IGF2BP3: variants seen among roughly 807,000 people sequenced by gnomAD.
IGF2BP3 encodes insulin-like growth factor 2 mRNA-binding protein 3.
IGF2BP3 carries 9 observed loss-of-function variants against 73.8 expected under a neutral mutation model. The ratio of observed to expected loss-of-function variants is 0.12; its 90% CI spans 0.07 to 0.21. The LOEUF (loss-of-function observed/expected upper bound fraction) is 0.21, where lower values mean the gene tolerates loss of function less well. IGF2BP3 is among the 10% of genes least tolerant of loss of function. The pLI is 1.00. For missense variants in IGF2BP3, 542 were observed against 714.0 expected, an observed-to-expected ratio of 0.76 and a Z score of 2.75; for synonymous variants, 258 against 256.7, an observed-to-expected ratio of 1.01 and a Z score of -0.05.
At chr7:23,448,625 G>A (rs920801020) in intron 2 of IGF2BP3, among the ~76,000 whole-genome samples, 204 of 146,218 alleles carry the variant, frequency 1.4e-3, no homozygotes, top group Non-Finnish European at 2.2e-3. Context: ...CTGTTTGTTT[G>A]TTTGTTTGTT....
At chr7:23,411,162 C>G (rs531035487) in intron 3 of IGF2BP3, among the ~76,000 whole-genome samples, 1 of 152,240 alleles carries the variant, frequency 6.6e-6, no homozygotes, top group Non-Finnish European at 1.5e-5. Flanking sequence ...TATTTAACAT[C>G]TCTGACTCCC....
At chr7:23,434,201 C>T (rs1242389466) in intron 2 of IGF2BP3, among the ~76,000 whole-genome samples, 1 of 151,420 alleles carries the variant, frequency 6.6e-6, no homozygotes, top group Non-Finnish European at 1.5e-5. Flanking sequence ...GATTACTAAA[C>T]TTTTAAAACC....
chr7:23,467,050 G>A (rs376905436), intron 2 of IGF2BP3, among the ~76,000 whole-genome samples: 5 of 152,106 alleles, frequency 3.3e-5, no homozygotes, highest in East Asian at 3.9e-4. Context: ...CTTCTCCCTC[G>A]ATTTTCAATT....
In IGF2BP3 at chr7:23,424,836, TTTAAG is replaced by T. The variant is rs527988895; in HGVS notation, c.237-6017_237-6013del. Among the ~76,000 whole-genome samples, 32 of 152,324 alleles carry T rather than the reference TTTAAG, an allele frequency of 2.1e-4. 2 individuals are homozygous for T. In the South Asian group the frequency reaches 6.4e-3, roughly 31 times the overall value. On this transcript the variant is annotated intron_variant, in intron 2 of 14. Transcript: ENST00000258729. The stretch of plus-strand genomic sequence containing the variant: ...GATGTTTAGTAATCGATGAAACTGA[TTTAAG>T]TTGATTTTATAGAAATGTTCAAATT...
At chr7:23,440,425 G>C (rs1029996502) in intron 2 of IGF2BP3, among the ~76,000 whole-genome samples, 2 of 152,184 alleles carry the variant, frequency 1.3e-5, no homozygotes, top group Admixed American at 6.5e-5. Context: ...AACAGAGAGA[G>C]ACTCTGTTTC....
chr7:23,335,463 T>C (rs1784551048), intron 10 of IGF2BP3, among the ~76,000 whole-genome samples: 1 of 151,946 alleles, frequency 6.6e-6, no homozygotes, highest in Non-Finnish European at 1.5e-5. Context: ...AAAAGTTTTT[T>C]TTTTTTTGTA....
rs1347992882 is a variant in IGF2BP3, at chr7:23,312,916, T to A, written c.1528-68A>T. On this transcript the variant is annotated intron_variant, in intron 13 of 14. Transcript: ENST00000258729. Reference sequence around the variant, plus strand: ...AACCTTACTTCCTAAGCACTTACTGTGCGCCAGACAGTGAGCTATGTATGG... The same window carrying A: ...AACCTTACTTCCTAAGCACTTACTGAGCGCCAGACAGTGAGCTATGTATGG... 25 of 932,622 alleles carry A rather than the reference T, an allele frequency of 2.7e-5. No homozygotes were observed. In the Admixed American group the frequency reaches 5.7e-4, roughly 21 times the overall value. 57.8% of individuals were successfully genotyped at this position (932,622 alleles called of 1,614,324 possible). A position where few individuals can be genotyped will look rare whatever the true frequency, so the allele number is the denominator to read the frequency against.
At chr7:23,467,558 C>T (rs1788595644) in intron 2 of IGF2BP3, among the ~76,000 whole-genome samples, 1 of 151,958 alleles carries the variant, frequency 6.6e-6, no homozygotes, top group Non-Finnish European at 1.5e-5. Flanking sequence ...CAGTTAGAGC[C>T]GGAATCTATG....
chr7:23,425,153 G>T (rs1205506937), intron 2 of IGF2BP3, among the ~76,000 whole-genome samples: 2 of 152,130 alleles, frequency 1.3e-5, no homozygotes, highest in African/African-American at 2.4e-5. Flanking sequence ...TTTACATGAG[G>T]TTTGTTCGTA....
chr7:23,419,479 TC>T (rs1787284033), intron 2 of IGF2BP3, among the ~76,000 whole-genome samples: 1 of 152,236 alleles, frequency 6.6e-6, no homozygotes, highest in African/African-American at 2.4e-5. Context: ...TAAGCACCTA[TC>T]ACCAAGTTTT....
At chr7:23,323,488 A>G (rs890496861) in intron 10 of IGF2BP3, among the ~76,000 whole-genome samples, 1 of 146,190 alleles carries the variant, frequency 6.8e-6, no homozygotes, top group Non-Finnish European at 1.5e-5. Flanking sequence ...TTAACACCCC[A>G]CTGTCAACAT....
intron 3 of IGF2BP3, among the ~76,000 whole-genome samples, chr7:23,386,128 A>C (rs1786074327): frequency 6.6e-6 from 1 of 152,244 alleles, no homozygotes; most frequent in Non-Finnish European, 1.5e-5. Context: ...GGGGATAGGT[A>C]CATGGGGAGA....
At chr7:23,334,857 G>C (rs1323568415) in intron 10 of IGF2BP3, among the ~76,000 whole-genome samples, 2 of 152,070 alleles carry the variant, frequency 1.3e-5, no homozygotes, top group Non-Finnish European at 2.9e-5. Flanking sequence ...CTTTGTGGGG[G>C]ACAAAATCTA....
At chr7:23,375,336 A>ATTG (rs1785684554) in intron 3 of IGF2BP3, among the ~76,000 whole-genome samples, 1 of 152,096 alleles carries the variant, frequency 6.6e-6, no homozygotes, top group Non-Finnish European at 1.5e-5. Context: ...AGTCCCAGCT[A>ATTG]TTGATCTGCT....
chr7:23,409,324 T>C (rs1489655969), intron 3 of IGF2BP3, among the ~76,000 whole-genome samples: 1 of 152,134 alleles, frequency 6.6e-6, no homozygotes, highest in Non-Finnish European at 1.5e-5. Context: ...TGATAATTAT[T>C]CCAAAAGGGT....
chr7:23,330,530 C>CA (rs1562677057), intron 10 of IGF2BP3, among the ~76,000 whole-genome samples: 1 of 151,840 alleles, frequency 6.6e-6, no homozygotes, highest in Non-Finnish European at 1.5e-5. Context: ...AAAGCTTAAA[C>CA]CTATGATCAT....
intron 10 of IGF2BP3, among the ~76,000 whole-genome samples, chr7:23,333,046 T>A (rs938656505): frequency 1.3e-5 from 2 of 152,220 alleles, no homozygotes; most frequent in Non-Finnish European, 1.5e-5. Context: ...ACTGTGTAAT[T>A]ATTTGTTTCC....
rs1450111849 is a variant in IGF2BP3 at position 23,448,476 on chromosome 7, A to G, written c.236+20006T>C. Among the ~76,000 whole-genome samples the G allele has an allele frequency of 3.3e-5, 5 of 152,238 alleles. No individual in the cohort carries two copies. The Middle Eastern group carries it at 0.01, about 311-fold the overall frequency. ...TCAGGCTGGAGGGCGTAGCACAACCACAGCTCACTGCAGCTCACTGGGCTC... is the reference window on the plus strand; with the variant it reads ...TCAGGCTGGAGGGCGTAGCACAACCGCAGCTCACTGCAGCTCACTGGGCTC... On this transcript the variant is annotated intron_variant, in intron 2 of 14. Coordinates refer to ENST00000258729, the MANE Select transcript of IGF2BP3 (RefSeq NM_006547.3).
intron 2 of IGF2BP3, among the ~76,000 whole-genome samples, chr7:23,433,109 A>C (rs1217298256): frequency 6.6e-6 from 1 of 152,242 alleles, no homozygotes; most frequent in Non-Finnish European, 1.5e-5. Context: ...TTCCTAAAAA[A>C]TTAGAGTGGT....
Sources: allele counts gnomAD v4.1 joint callset (sites outside exome capture counted in the v4.1 genomes callset), GRCh38; gene constraint gnomAD v4.1.1; transcripts MANE v1.5; gene names NCBI Gene and HGNC (gene_info 2026-07-23, HGNC 2026-07-21).